Variants in KIF16B observed in about 807,000 individuals in gnomAD.
KIF16B encodes kinesin family member 16B, also known as kinesin-like protein KIF16B.
In KIF16B, 98 loss-of-function variants were observed where a neutral mutation model predicts 156.3. That is an observed-to-expected ratio of 0.63 (90% CI 0.53 to 0.74). The LOEUF (loss-of-function observed/expected upper bound fraction) is 0.74. KIF16B is among the 30% of genes least tolerant of loss of function. The pLI is 0.00. For synonymous variants in KIF16B, 564 were observed against 583.7 expected (o/e 0.97, Z 0.49); for missense variants, 1,421 against 1,606.5 (o/e 0.88, Z 1.97).
At chr20:16,487,104 T>C (rs1178804295) in intron 12 of KIF16B, among the ~76,000 whole-genome samples, 1 of 151,882 alleles carries the variant, frequency 6.6e-6, no homozygotes, top group Non-Finnish European at 1.5e-5. Context: ...ATACAAAAAA[T>C]TAGCTGGGCG....
At chr20:16,398,409 G>C (rs2065567292) in intron 17 of KIF16B, among the ~76,000 whole-genome samples, 1 of 152,130 alleles carries the variant, frequency 6.6e-6, no homozygotes, top group Non-Finnish European at 1.5e-5. Flanking sequence ...AGGAGGAGGG[G>C]GTGACCAGGA....
At chr20:16,477,213 A>AC (rs2146807406) in intron 12 of KIF16B, among the ~76,000 whole-genome samples, 1 of 150,016 alleles carries the variant, frequency 6.7e-6, no homozygotes, top group Non-Finnish European at 1.5e-5. Flanking sequence ...CTCCTTAAAA[A>AC]AAAAAAAAGG....
At chr20:16,402,475 A>G (rs1329745708) in intron 17 of KIF16B, among the ~76,000 whole-genome samples, 1 of 152,252 alleles carries the variant, frequency 6.6e-6, no homozygotes, top group Non-Finnish European at 1.5e-5. Context: ...AAGACAAAAT[A>G]AGGAGGAAAG....
intron 17 of KIF16B, among the ~76,000 whole-genome samples, chr20:16,399,583 A>G (rs895040286): frequency 1.1e-4 from 16 of 152,164 alleles, no homozygotes; most frequent in African/African-American, 3.6e-4. Flanking sequence ...AAGTGGAGAA[A>G]TATCACCTGT....
chr20:16,463,653 T>C (rs2067409630), intron 12 of KIF16B, among the ~76,000 whole-genome samples: 1 of 152,060 alleles, frequency 6.6e-6, no homozygotes, highest in Admixed American at 6.6e-5. Flanking sequence ...TGCCCTAAAG[T>C]GTAAAAGCAA....
At chr20:16,358,065 T>C (rs2064479261) in intron 22 of KIF16B, among the ~76,000 whole-genome samples, 1 of 152,132 alleles carries the variant, frequency 6.6e-6, no homozygotes, top group Admixed American at 6.5e-5. Flanking sequence ...GGCATGCGCC[T>C]GTAGTCCCAG....
chr20:16,460,570 A>T (rs2067320464), intron 12 of KIF16B, among the ~76,000 whole-genome samples: 4 of 152,170 alleles, frequency 2.6e-5, no homozygotes, highest in African/African-American at 7.2e-5. Flanking sequence ...TCCAAAAAAA[A>T]AAAATATTCG....
At chr20:16,572,618 T>A (rs1030824711) in intron 1 of KIF16B, among the ~76,000 whole-genome samples, 11 of 152,192 alleles carry the variant, frequency 7.2e-5, no homozygotes, top group Non-Finnish European at 1.3e-4. Context: ...ATAACAAGAT[T>A]AAATTTTGTG....
rs980271402 is a variant in KIF16B at position 16,356,834 on chromosome 20, T to G, written c.3499-382A>C. ...CTTGACCATCTGACAAACTTTTTTC[T>G]TCACACACTATCAGACAGCTATACT... On this transcript the variant is annotated intron_variant, in intron 22 of 25. Coordinates refer to ENST00000354981, the MANE Select transcript of KIF16B (RefSeq NM_024704.5). Among the ~76,000 whole-genome samples, 3 of 152,264 alleles carry G rather than the reference T, an allele frequency of 2.0e-5. No individual in the cohort carries two copies. The South Asian group carries it at 6.2e-4, about 31-fold the overall frequency.
intron 15 of KIF16B, among the ~76,000 whole-genome samples, chr20:16,419,779 T>A (rs1413431706): frequency 1.3e-5 from 2 of 152,096 alleles, no homozygotes; most frequent in Non-Finnish European, 2.9e-5. Flanking sequence ...AGAGAATAGC[T>A]CCTAGAAGTT....
intron 15 of KIF16B, among the ~76,000 whole-genome samples, chr20:16,425,191 G>T (rs2066321915): frequency 6.6e-6 from 1 of 152,070 alleles, no homozygotes; most frequent in Admixed American, 6.6e-5. Context: ...GATGAGTCTG[G>T]AATATCTTGT....
intron 1 of KIF16B, among the ~76,000 whole-genome samples, chr20:16,556,633 G>A (rs1600693259): frequency 6.6e-6 from 1 of 152,186 alleles, no homozygotes; most frequent in East Asian, 1.9e-4. Flanking sequence ...ACTTTAGGTG[G>A]CTTAATAGGC....
At chr20:16,300,857 T>C (rs1420463711) in intron 25 of KIF16B, among the ~76,000 whole-genome samples, 3 of 152,194 alleles carry the variant, frequency 2.0e-5, no homozygotes, top group African/African-American at 7.2e-5. Context: ...CCAAAGTCTA[T>C]AACTTACATT....
chr20:16,529,306 T>C (rs893518720), intron 1 of KIF16B, among the ~76,000 whole-genome samples: 1 of 152,132 alleles, frequency 6.6e-6, no homozygotes, highest in African/African-American at 2.4e-5. Flanking sequence ...AAATGATTTA[T>C]GCAAAAATAA....
chr20:16,319,632 A>G (rs943577509), intron 24 of KIF16B, among the ~76,000 whole-genome samples: 3 of 152,204 alleles, frequency 2.0e-5, no homozygotes, highest in African/African-American at 7.2e-5. Context: ...CACTATGAAC[A>G]GTAATTCCAG....
At chr20:16,368,954 T>C (rs1272291816) in intron 22 of KIF16B, 1 of 985,780 alleles carries the variant, frequency 1.0e-6, no homozygotes, top group African/African-American at 1.7e-5. Flanking sequence ...TCGGTGTTAC[T>C]TTCGTTAAGA....
chr20:16,274,389 G>A (rs1321589031), intron 25 of KIF16B, among the ~76,000 whole-genome samples: 1 of 152,180 alleles, frequency 6.6e-6, no homozygotes, highest in Non-Finnish European at 1.5e-5. Flanking sequence ...TAGGCTCTGG[G>A]AACTGGGGAT....
At chr20:16,335,862 C>G in intron 24 of KIF16B, 64 bp downstream of exon 24, 1 of 956,528 alleles carries the variant, frequency 1.0e-6, no homozygotes, top group Non-Finnish European at 1.6e-6. Context: ...ATTGCTAATG[C>G]AATCAGCTCA....
At chr20:16,475,316 A>G (rs1212053576) in intron 12 of KIF16B, among the ~76,000 whole-genome samples, 1 of 148,900 alleles carries the variant, frequency 6.7e-6, no homozygotes, top group Admixed American at 6.7e-5. Context: ...TCCCCATTTT[A>G]CCCATCAGGA....
Sources: allele counts gnomAD v4.1 joint callset (sites outside exome capture counted in the v4.1 genomes callset), GRCh38; gene constraint gnomAD v4.1.1; transcripts MANE v1.5; gene names NCBI Gene and HGNC (gene_info 2026-07-23, HGNC 2026-07-21).